Variants in THRB observed in about 807,000 individuals in gnomAD.
THRB encodes thyroid hormone receptor beta.
In THRB, 12 loss-of-function variants were observed where a neutral mutation model predicts 47.8. The ratio of observed to expected loss-of-function variants is 0.25; its 90% CI spans 0.16 to 0.41. THRB has a LOEUF of 0.41. THRB is among the 10% of genes least tolerant of loss of function. The probability of loss-of-function intolerance (pLI) is 1.00; values close to 1 mark genes in which losing one functional copy is unlikely to be tolerated. For missense variants in THRB, 348 were observed against 589.2 expected, an observed-to-expected ratio of 0.59 and a Z score of 4.24; for synonymous variants, 218 against 212.2, an observed-to-expected ratio of 1.03 and a Z score of -0.24.
chr3:24,167,661 G>T (rs954411850), intron 5 of THRB, among the ~76,000 whole-genome samples: 6 of 151,972 alleles, frequency 3.9e-5, no homozygotes, highest in African/African-American at 1.5e-4. Context: ...TCTTTTTCTG[G>T]TTAAGAGCTG....
At chr3:24,428,100 T>C (rs1178619758) in intron 1 of THRB, among the ~76,000 whole-genome samples, 2 of 152,050 alleles carry the variant, frequency 1.3e-5, no homozygotes, top group African/African-American at 4.8e-5. Context: ...AAGTAAAATA[T>C]ATCAAATCAG....
At chr3:24,126,340 CACT>C (rs1457464318) in intron 10 of THRB, among the ~76,000 whole-genome samples, 2 of 152,060 alleles carry the variant, frequency 1.3e-5, no homozygotes, top group Non-Finnish European at 2.9e-5. Flanking sequence ...GTCTTTACAC[CACT>C]GCACTCCAGC....
At chr3:24,224,432 ATGGTGTCATT>A (rs1184242994) in intron 4 of THRB, among the ~76,000 whole-genome samples, 71 of 152,274 alleles carry the variant, frequency 4.7e-4, no homozygotes, top group African/African-American at 1.4e-3. Flanking sequence ...TTATTTTTGA[ATGGTGTCATT>A]ATTTTGCCAT....
intron 5 of THRB, among the ~76,000 whole-genome samples, chr3:24,164,726 C>G (rs916578236): frequency 3.9e-5 from 6 of 152,150 alleles, no homozygotes; most frequent in African/African-American, 1.4e-4. Flanking sequence ...GGAAACCTTT[C>G]ACATATTTTC....
chr3:24,139,115 T>C (rs1575346091), intron 8 of THRB, among the ~76,000 whole-genome samples: 1 of 152,194 alleles, frequency 6.6e-6, no homozygotes, highest in African/African-American at 2.4e-5. Flanking sequence ...CTTACTGTCA[T>C]CACACATGAA....
chr3:24,405,732 C>T (rs1250413959), intron 1 of THRB, among the ~76,000 whole-genome samples: 3 of 151,142 alleles, frequency 2.0e-5, no homozygotes, highest in Non-Finnish European at 3.0e-5. Context: ...TTTTTTCTTC[C>T]ACATGAATTT....
chr3:24,338,998 A>C (rs2062445201), intron 1 of THRB, among the ~76,000 whole-genome samples: 1 of 152,242 alleles, frequency 6.6e-6, no homozygotes, highest in African/African-American at 2.4e-5. Context: ...AGCTTATTCA[A>C]AGAGGATTCT....
At chr3:24,463,950 T>G (rs574372304) in intron 1 of THRB, among the ~76,000 whole-genome samples, 1 of 152,290 alleles carries the variant, frequency 6.6e-6, no homozygotes, top group African/African-American at 2.4e-5. Context: ...AAGAACACTC[T>G]TAAGAAATGG....
intron 5 of THRB, 32 bp downstream of exon 5, chr3:24,190,042 A>T (rs368217434): frequency 4.3e-6 from 7 of 1,610,826 alleles, no homozygotes; most frequent in African/African-American, 1.3e-5. Context: ...TTGTTGAAAC[A>T]CATGATAATG....
chr3:24,236,609 T>A (rs1272694732), intron 3 of THRB, among the ~76,000 whole-genome samples: 1 of 152,160 alleles, frequency 6.6e-6, no homozygotes, highest in Non-Finnish European at 1.5e-5. Context: ...CCTCCCCAGA[T>A]GCTGTCATTA....
chr3:24,140,495 G>A (rs2035291914), intron 8 of THRB, among the ~76,000 whole-genome samples: 1 of 152,106 alleles, frequency 6.6e-6, no homozygotes, highest in African/African-American at 2.4e-5. Context: ...TTTCTGTGTG[G>A]CCTTTTTACA....
chr3:24,124,524 G>A (rs1057220652), intron 10 of THRB, among the ~76,000 whole-genome samples: 2 of 152,302 alleles, frequency 1.3e-5, no homozygotes, highest in African/African-American at 4.8e-5. Context: ...AGATGGCCAC[G>A]TAAATGACAT....
At chr3:24,161,642 A>ACACACACACACACC (rs2038846820) in intron 5 of THRB, among the ~76,000 whole-genome samples, 1 of 151,372 alleles carries the variant, frequency 6.6e-6, no homozygotes. Context: ...ACACACACAC[A>ACACACACACACACC]CACACACACA....
chr3:24,466,110 GC>G (rs2074133466), intron 1 of THRB, among the ~76,000 whole-genome samples: 1 of 152,172 alleles, frequency 6.6e-6, no homozygotes, highest in African/African-American at 2.4e-5. Flanking sequence ...TTTCCTCTGT[GC>G]CCAACATACA....
At chr3:24,459,720 A>G (rs1005130242) in intron 1 of THRB, among the ~76,000 whole-genome samples, 2 of 152,072 alleles carry the variant, frequency 1.3e-5, no homozygotes, top group African/African-American at 4.8e-5. Flanking sequence ...ACCAGTGATG[A>G]TGAGCTTTTT....
At chr3:24,209,931 A>G (rs911732697) in intron 4 of THRB, among the ~76,000 whole-genome samples, 17 of 152,224 alleles carry the variant, frequency 1.1e-4, no homozygotes, top group African/African-American at 4.1e-4. Context: ...TAACCAAAAT[A>G]AGAAAAAATA....
At chr3:24,387,221 T>C (rs1362305501) in intron 1 of THRB, among the ~76,000 whole-genome samples, 1 of 152,128 alleles carries the variant, frequency 6.6e-6, no homozygotes, top group African/African-American at 2.4e-5. Context: ...CCCAGTGCTT[T>C]GCATTTTTTT....
At chr3:24,469,106 C>T (rs1034422372) in intron 1 of THRB, among the ~76,000 whole-genome samples, 6 of 152,138 alleles carry the variant, frequency 3.9e-5, no homozygotes, top group Non-Finnish European at 7.4e-5. Flanking sequence ...GCATCACCTC[C>T]GCTGGAATGT....
chr3:24,162,365 G>A (rs1174124412), intron 5 of THRB, among the ~76,000 whole-genome samples: 3 of 152,106 alleles, frequency 2.0e-5, no homozygotes, highest in Non-Finnish European at 2.9e-5. Context: ...GCCCCGTGAG[G>A]ACTTAGCATA....
Sources: gnomAD v4.1 joint callset for allele counts (sites outside exome capture counted in the v4.1 genomes callset) on GRCh38, gnomAD v4.1.1 for gene constraint, MANE v1.5 for transcripts, NCBI Gene and HGNC (gene_info 2026-07-23, HGNC 2026-07-21) for gene names.